RAPGEF3: variants seen among roughly 807,000 people sequenced by gnomAD.
The protein encoded by RAPGEF3 is 9330170P05Rik.
A neutral mutation model predicts 129.8 loss-of-function variants in RAPGEF3; 103 were observed. The ratio of observed to expected loss-of-function variants is 0.79; its 90% CI spans 0.68 to 0.93. The LOEUF is 0.93. Ranked by LOEUF, RAPGEF3 falls within the 40% of genes least tolerant of loss-of-function variation. The pLI, the probability that RAPGEF3 is intolerant of heterozygous loss-of-function variation, is 0.00. For synonymous variants in RAPGEF3, 436 were observed against 482.6 expected (o/e 0.90, Z 1.26); for missense variants, 1,117 against 1,207.4 (o/e 0.93, Z 1.11).
At chr12:47,753,693 G>A (rs1023741700) in intron 2 of RAPGEF3, among the ~76,000 whole-genome samples, 17 of 152,326 alleles carry the variant, frequency 1.1e-4, no homozygotes, top group African/African-American at 2.6e-4. Context: ...CCCCTGTGTC[G>A]GAACAAACAG....
chr12:47,738,093 A>G lies in RAPGEF3; in HGVS notation c.2582T>C (p.Val861Ala), dbSNP rs758940907. Residue 861 changes from valine to alanine, a missense_variant and splice_region_variant, in exon 27 of 28, where the codon GTG (valine) becomes GCG (alanine). This residue lies in a region of RAPGEF3 where 643 missense variants were observed against 673.4 expected (regional missense o/e 0.95). Transcript: ENST00000449771. ...MLHHCRSHNP[V>A]PLSPLRSRVS... ...TCGGCTTCTGAGTGGTGAGAGAGGCACTGCGGGGGTGGGGAGGGGTCATGG... is the reference window on the plus strand; with the variant it reads ...TCGGCTTCTGAGTGGTGAGAGAGGCGCTGCGGGGGTGGGGAGGGGTCATGG... 26 of 1,600,928 alleles carry G rather than the reference A, an allele frequency of 1.6e-5. No homozygotes were observed. The South Asian group carries it at 2.8e-4, about 17-fold the overall frequency.
At chr12:47,742,499 C>A (rs975535824) in intron 18 of RAPGEF3, among the ~76,000 whole-genome samples, 3 of 152,218 alleles carry the variant, frequency 2.0e-5, no homozygotes, top group African/African-American at 7.2e-5. Context: ...ATCCCCACTT[C>A]TTGAACGCCC....
chr12:47,746,212 CGGA>C (rs1350210774), intron 16 of RAPGEF3: 6 of 189,498 alleles, frequency 3.2e-5, no homozygotes, highest in African/African-American at 7.2e-5. Flanking sequence ...GCTTCGCCTG[CGGA>C]GGAGAAGAAG....
intron 2 of RAPGEF3, among the ~76,000 whole-genome samples, chr12:47,754,961 GAC>G (rs1941965436): frequency 6.6e-6 from 1 of 152,240 alleles, no homozygotes; most frequent in South Asian, 2.1e-4. Flanking sequence ...GGGCTGGAGA[GAC>G]AGGCACAGAG....
At chr12:47,750,281 G>A in intron 7 of RAPGEF3, 60 bp downstream of exon 7, 1 of 1,506,346 alleles carries the variant, frequency 6.6e-7, no homozygotes, top group African/African-American at 1.4e-5. Flanking sequence ...GGAGTTTCAG[G>A]GAAGTCACAG....
chr12:47,756,720 C>T (rs1942075772), intron 2 of RAPGEF3, among the ~76,000 whole-genome samples: 1 of 152,166 alleles, frequency 6.6e-6, no homozygotes, highest in Non-Finnish European at 1.5e-5. Flanking sequence ...CTTGTAATCC[C>T]AGTGCTTTGG....
At chr12:47,743,726 C>T (rs1941280956) in intron 17 of RAPGEF3, 50 bp from the exon 18 acceptor site, 1 of 1,583,682 alleles carries the variant, frequency 6.3e-7, no homozygotes, top group African/African-American at 1.3e-5. Context: ...TGATCTCCAC[C>T]CCAGGAGGGA....
intron 26 of RAPGEF3, 30 bp downstream of exon 26, chr12:47,738,163 A>T (rs752352873): frequency 1.2e-6 from 2 of 1,613,158 alleles, no homozygotes; most frequent in Admixed American, 3.3e-5. Flanking sequence ...AGGGTGGGGG[A>T]CCTCCCACCC....
At chr12:47,740,495 TG>T in intron 21 of RAPGEF3, 100 bp from the exon 22 acceptor site, 1 of 1,489,432 alleles carries the variant, frequency 6.7e-7, no homozygotes, top group Non-Finnish European at 9.3e-7. Flanking sequence ...AGATCCAAGC[TG>T]GATGGGGTGG....
chr12:47,738,328 TC>T, intron 25 of RAPGEF3, 81 bp from the exon 26 acceptor site: 1 of 1,556,886 alleles, frequency 6.4e-7, no homozygotes, highest in Non-Finnish European at 8.8e-7. Flanking sequence ...GAGGCCAAGC[TC>T]CCTCTGAACC....
chr12:47,754,159 C>G (rs2136812351), intron 2 of RAPGEF3: 1 of 152,252 alleles, frequency 6.6e-6, no homozygotes, highest in East Asian at 1.9e-4. Context: ...AATAAGGGCA[C>G]CAGGATTCAT....
Position 47,740,016 on chromosome 12 carries a change from A to T in RAPGEF3, c.2373+125T>A, listed in dbSNP as rs1432111423. The T allele has an allele frequency of 7.3e-6, 9 of 1,238,768 alleles. No individual in the cohort carries two copies. In the African/African-American group the frequency reaches 1.4e-4, roughly 19 times the overall value. 76.7% of individuals were successfully genotyped at this position (1,238,768 alleles called of 1,614,324 possible). A position where few individuals can be genotyped will look rare whatever the true frequency, so the allele number is the denominator to read the frequency against. ...AGCTAGGCCCTGGGCCGAGGTTGGG[A>T]ACCCTGAAAGTGACAAAGGACGAGT... On this transcript the variant is annotated intron_variant, in intron 23 of 27. Coordinates refer to ENST00000449771, the MANE Select transcript of RAPGEF3 (RefSeq NM_001098531.4).
At chr12:47,757,765 C>G (rs925747628) in intron 2 of RAPGEF3, 101 bp downstream of exon 2, 2 of 1,199,118 alleles carry the variant, frequency 1.7e-6, no homozygotes, top group African/African-American at 1.5e-5. Context: ...CTGTACACCC[C>G]CAGAGCAAGC....
chr12:47,756,924 G>A (rs1942096043), intron 2 of RAPGEF3, among the ~76,000 whole-genome samples: 1 of 151,280 alleles, frequency 6.6e-6, no homozygotes, highest in South Asian at 2.1e-4. Context: ...AGCCAAGATT[G>A]CTTCACTGCA....
At chr12:47,737,874 C>T in intron 27 of RAPGEF3, 148 bp downstream of exon 27, 4 of 1,214,700 alleles carry the variant, frequency 3.3e-6, no homozygotes, top group South Asian at 1.3e-5. Context: ...CCCCCTGGCT[C>T]AGAGCACAGA....
chr12:47,747,381 G>A (rs949476373), intron 15 of RAPGEF3, among the ~76,000 whole-genome samples, 163 bp downstream of exon 15: 1 of 152,162 alleles, frequency 6.6e-6, no homozygotes, highest in African/African-American at 2.4e-5. Context: ...GGAGGGACAT[G>A]TGGTGTGAGG....
chr12:47,748,148 T>C lies in RAPGEF3; in HGVS notation c.1248A>G (p.Thr416=). Residue 416 remains threonine (T), a synonymous_variant, in exon 13 of 28, where the codon ACA becomes ACG. Transcript: ENST00000449771. The part of the protein sequence containing the change: ...PDSSAHDPTE[T]FLSDFLLTHR... ...GGGTCAGGAGGAAGTCGCTGAGGAA[T>C]GTCTCTGTATGACAGGGTGAGGGGA... 1 of 1,576,922 alleles carries C rather than the reference T, an allele frequency of 6.3e-7. No individual in the cohort carries two copies. The highest frequency in any genetic ancestry group is 8.6e-7 in the Non-Finnish European group (1 of 1,160,722).
chr12:47,749,676 T>C lies in RAPGEF3; in HGVS notation c.894+65A>G. On this transcript the variant is annotated intron_variant, in intron 9 of 27. Transcript: ENST00000449771. This position sits in a 1 kb window ranked among gnomAD's most constrained non-coding sequence, Gnocchi z 4.5. ...AGTAGATCAACAAAGGCACTGCCCA[T>C]GAGGACATGGACCAGGGAGCAGTTA... 3 of 1,602,552 alleles carry C rather than the reference T, an allele frequency of 1.9e-6. No individual in the cohort carries two copies. Among genetic ancestry groups the C allele is most frequent in the Non-Finnish European group, 1.7e-6 (2 of 1,172,408 alleles).
Position 47,740,812 on chromosome 12 carries a change from G to A in RAPGEF3, c.2061C>T (p.Ile687=), listed in dbSNP as rs532710583. 5.0e-6 allele frequency: 8 copies of A among 1,613,914 alleles called. No homozygotes were observed. In the South Asian group the frequency reaches 6.6e-5, roughly 13 times the overall value. Residue 687 remains isoleucine, a synonymous_variant, in exon 21 of 28, where the codon ATC becomes ATT. Coordinates refer to ENST00000449771, the MANE Select transcript of RAPGEF3 (RefSeq NM_001098531.4). ...LFNSIHQVEL[I]HYVLGPQHLR... Reference sequence around the variant, plus strand: ...GATGCTGGGGGCCCAGCACATAGTGGATCAGCTCCACCTGGGTGGGGTCAG... The same window carrying A: ...GATGCTGGGGGCCCAGCACATAGTGAATCAGCTCCACCTGGGTGGGGTCAG...
Sources: allele counts gnomAD v4.1 joint callset (sites outside exome capture counted in the v4.1 genomes callset), GRCh38; gene constraint gnomAD v4.1.1; regional missense constraint gnomAD v4.1.1; non-coding constraint Gnocchi (gnomAD v3.1); transcripts MANE v1.5; gene names NCBI Gene and HGNC (gene_info 2026-07-23, HGNC 2026-07-21).